Variants in NXPE4 observed in about 807,000 individuals in gnomAD.
NXPE4 encodes the protein NXPE family member 4.
In NXPE4, 42 loss-of-function variants were observed where a neutral mutation model predicts 33.3. The ratio of observed to expected loss-of-function variants is 1.26; its 90% CI spans 0.98 to 1.63. The LOEUF (loss-of-function observed/expected upper bound fraction) is 1.63. Ranked by LOEUF, NXPE4 falls within the 40% of genes most tolerant of loss-of-function variation. NXPE4 has a pLI of 0.00. For synonymous variants in NXPE4, 253 were observed against 234.9 expected (o/e 1.08, Z -0.71); for missense variants, 709 against 647.6 (o/e 1.09, Z -1.03).
chr11:114,579,425 C>A (rs949676463), intron 5 of NXPE4, among the ~76,000 whole-genome samples: 2 of 152,100 alleles, frequency 1.3e-5, no homozygotes, highest in East Asian at 3.9e-4. Flanking sequence ...GTGAGAAACA[C>A]CAGGCAGGGA....
chr11:114,597,401 G>A (rs1031585473), upstream of NXPE4, among the ~76,000 whole-genome samples: 6 of 152,030 alleles, frequency 3.9e-5, no homozygotes, highest in Non-Finnish European at 7.4e-5. Context: ...AAATATTTTC[G>A]GAGAAAGAAA....
At chr11:114,651,862 C>G in the NXPE4 span, among the ~76,000 whole-genome samples, 1 of 152,108 alleles carries the variant, frequency 6.6e-6, no homozygotes, top group Non-Finnish European at 1.5e-5. Context: ...AGTCCCCACC[C>G]GACCCAGAAG....
chr11:114,639,590 G>A, the NXPE4 span, among the ~76,000 whole-genome samples: 1 of 149,678 alleles, frequency 6.7e-6, no homozygotes, highest in Non-Finnish European at 1.5e-5. Flanking sequence ...GACTGGAGCT[G>A]TTCCTATTCG....
chr11:114,602,632 G>T, the NXPE4 span, among the ~76,000 whole-genome samples: 9 of 139,392 alleles, frequency 6.5e-5, no homozygotes, highest in Non-Finnish European at 1.1e-4. Context: ...ATAAATTATA[G>T]ATTCATATAT....
At chr11:114,619,931 C>T in the NXPE4 span, among the ~76,000 whole-genome samples, 1 of 152,078 alleles carries the variant, frequency 6.6e-6, no homozygotes, top group East Asian at 1.9e-4. Flanking sequence ...TGGGTAACCA[C>T]TGTTACCCGG....
intron 5 of NXPE4, among the ~76,000 whole-genome samples, chr11:114,577,118 T>C (rs886409940): frequency 7.0e-6 from 1 of 142,480 alleles, no homozygotes; most frequent in African/African-American, 2.6e-5. Context: ...TATACACATA[T>C]ATATAAAGTT....
the NXPE4 span, among the ~76,000 whole-genome samples, chr11:114,653,235 TG>T: frequency 6.6e-6 from 1 of 152,138 alleles, no homozygotes; most frequent in African/African-American, 2.4e-5. Flanking sequence ...GGACTGGAGG[TG>T]CAAAAGGCAA....
chr11:114,628,773 A>T, the NXPE4 span, among the ~76,000 whole-genome samples: 1 of 152,000 alleles, frequency 6.6e-6, no homozygotes. Flanking sequence ...ATAGAAAGCT[A>T]GCAAGACTAA....
At chr11:114,668,471 G>A in the NXPE4 span, among the ~76,000 whole-genome samples, 4 of 151,864 alleles carry the variant, frequency 2.6e-5, no homozygotes, top group African/African-American at 9.7e-5. Context: ...ACAAAAATTT[G>A]TGACAAGCAC....
chr11:114,637,151 A>G, the NXPE4 span, among the ~76,000 whole-genome samples: 34,801 of 138,306 alleles, frequency 0.25, 4,700 homozygotes, highest in East Asian at 0.46. Flanking sequence ...GTGCTCCTGT[A>G]TTGGGTCCAT....
chr11:114,580,772 TA>T (rs1949126123), intron 4 of NXPE4, among the ~76,000 whole-genome samples: 1 of 152,182 alleles, frequency 6.6e-6, no homozygotes, highest in Admixed American at 6.5e-5. Context: ...ATAAAGGTGA[TA>T]TAAAAAATAT....
chr11:114,640,349 G>A, the NXPE4 span, among the ~76,000 whole-genome samples: 2 of 147,508 alleles, frequency 1.4e-5, no homozygotes, highest in Non-Finnish European at 3.0e-5. Context: ...ATATATAAAT[G>A]TAGCATATAT....
the NXPE4 span, among the ~76,000 whole-genome samples, chr11:114,626,202 T>C: frequency 2.0e-5 from 3 of 152,198 alleles, no homozygotes; most frequent in Non-Finnish European, 2.9e-5. Flanking sequence ...CCTGCCTCTG[T>C]AGGCTCCACC....
chr11:114,583,682 A>G (rs1949210345), intron 2 of NXPE4: 2 of 581,424 alleles, frequency 3.4e-6, no homozygotes, highest in Admixed American at 1.9e-5. Flanking sequence ...CCATGCAAAG[A>G]AGTTCAAGGC....
At chr11:114,662,855 T>C in the NXPE4 span, among the ~76,000 whole-genome samples, 1 of 152,178 alleles carries the variant, frequency 6.6e-6, no homozygotes, top group Non-Finnish European at 1.5e-5. Context: ...AGTTATCACC[T>C]GCTATCTGCA....
chr11:114,610,210 C>A, the NXPE4 span, among the ~76,000 whole-genome samples: 1 of 151,862 alleles, frequency 6.6e-6, no homozygotes, highest in Admixed American at 6.6e-5. Flanking sequence ...CCACTGTTAC[C>A]CAGTCAATAA....
chr11:114,651,117 T>C, the NXPE4 span, among the ~76,000 whole-genome samples: 1 of 152,046 alleles, frequency 6.6e-6, no homozygotes, highest in Admixed American at 6.6e-5. Context: ...TATAATAGAA[T>C]GTGTCCAGAT....
the NXPE4 span, among the ~76,000 whole-genome samples, chr11:114,659,435 A>G: frequency 1.4e-4 from 4 of 28,146 alleles, no homozygotes; most frequent in African/African-American, 2.5e-4. Context: ...CTGTTAAACA[A>G]AAAAAAGAGA....
At chr11:114,627,358 C>A in the NXPE4 span, among the ~76,000 whole-genome samples, 37 of 152,034 alleles carry the variant, frequency 2.4e-4, no homozygotes, top group Admixed American at 1.3e-3. Flanking sequence ...GAGTGGGGAC[C>A]AATATTCAAC....
Sources: gnomAD v4.1 joint callset for allele counts (sites outside exome capture counted in the v4.1 genomes callset) on GRCh38, gnomAD v4.1.1 for gene constraint, MANE v1.5 for transcripts, NCBI Gene and HGNC (gene_info 2026-07-23, HGNC 2026-07-21) for gene names.